The following RPS6KA3 variants were observed in gnomAD, a reference collection of about 807,000 sequenced individuals.
The protein encoded by RPS6KA3 is ribosomal protein S6 kinase A3.
RPS6KA3 carries 4 observed loss-of-function variants against 67.2 expected under a neutral mutation model. The observed-to-expected ratio is 0.06, with a 90% CI of 0.03 to 0.14. The LOEUF (loss-of-function observed/expected upper bound fraction) is 0.14, where lower values mean the gene tolerates loss of function less well. RPS6KA3 is among the 10% of genes least tolerant of loss of function. The pLI is 1.00. For synonymous variants in RPS6KA3, 182 were observed against 183.7 expected, an observed-to-expected ratio of 0.99 and a Z score of 0.07; for missense variants, 204 against 559.0, an observed-to-expected ratio of 0.36 and a Z score of 6.40.
chrX:20,160,557 G>C (rs893612409), intron 20 of RPS6KA3, among the ~76,000 whole-genome samples: 1 of 110,800 alleles, frequency 9.0e-6, no homozygotes, highest in South Asian at 3.8e-4. Flanking sequence ...CTCCCGAGTA[G>C]CTGGGATTAC....
intron 1 of RPS6KA3, among the ~76,000 whole-genome samples, chrX:20,264,464 T>C (rs2070319412): frequency 8.9e-6 from 1 of 112,454 alleles, no homozygotes; most frequent in South Asian, 3.6e-4. Flanking sequence ...ACATGAATTG[T>C]ATCCACCTGG....
At chrX:20,171,384 G>A (rs1241767213) in intron 15 of RPS6KA3, among the ~76,000 whole-genome samples, 10 of 111,776 alleles carry the variant, frequency 8.9e-5, no homozygotes, top group African/African-American at 3.3e-4. Flanking sequence ...AAATGATAGT[G>A]TGGAATTAGG....
chrX:20,181,337 G>A (rs1488377324), intron 10 of RPS6KA3, among the ~76,000 whole-genome samples: 4 of 111,009 alleles, frequency 3.6e-5, no homozygotes, highest in African/African-American at 1.3e-4. Context: ...AAAGGGGAAC[G>A]GTTAGAGAGG....
intron 1 of RPS6KA3, among the ~76,000 whole-genome samples, chrX:20,239,078 A>G (rs1010216894): frequency 8.9e-6 from 1 of 111,825 alleles, no homozygotes; most frequent in African/African-American, 3.2e-5. Context: ...AAAGCTGGTC[A>G]GTACCACATT....
chrX:20,259,499 T>G (rs1049928468), intron 1 of RPS6KA3, among the ~76,000 whole-genome samples: 1 of 111,911 alleles, frequency 8.9e-6, no homozygotes, highest in African/African-American at 3.2e-5. Flanking sequence ...CAATTTAATT[T>G]AGAAAGATTT....
intron 20 of RPS6KA3, among the ~76,000 whole-genome samples, chrX:20,156,894 T>C (rs1377464762): frequency 5.8e-5 from 1 of 17,204 alleles, no homozygotes; most frequent in Admixed American, 9.4e-4. Context: ...CTGGTAATAC[T>C]GAAAAAAAAA....
chrX:20,178,636 CTTT>C (rs757383642), intron 10 of RPS6KA3, among the ~76,000 whole-genome samples: 1 of 39,442 alleles, frequency 2.5e-5, no homozygotes, highest in Non-Finnish European at 4.7e-5. Context: ...CCACACCTGG[CTTT>C]TTTTTTTTTT....
intron 1 of RPS6KA3, among the ~76,000 whole-genome samples, chrX:20,237,586 C>T (rs1244309546): frequency 9.0e-6 from 1 of 111,101 alleles, no homozygotes; most frequent in Non-Finnish European, 1.9e-5. Context: ...TATTACTTTA[C>T]CTGTTCAAAA....
Position 20,151,863 on chromosome X carries a change from T to C in RPS6KA3, c.*3535A>G, listed in dbSNP as rs1375489829. 1.8e-5 allele frequency: 2 copies of C among 111,871 alleles called. No homozygotes were observed. The highest frequency in any genetic ancestry group is 3.8e-5 in the Non-Finnish European group (2 of 53,252). The allele number at this position is 111,871 out of a possible 1,213,427, so 9.2% of individuals were successfully genotyped here. Reference sequence around the variant, plus strand: ...GCTCTCATCCCAGGCTGGGCTTACCTGAGTCCCTTTTCTGCCGAATACATT... The same window carrying C: ...GCTCTCATCCCAGGCTGGGCTTACCCGAGTCCCTTTTCTGCCGAATACATT... On this transcript the variant is annotated 3_prime_UTR_variant, in exon 22 of 22. Transcript: ENST00000379565.
chrX:20,152,409 C>T lies in RPS6KA3; in HGVS notation c.*2989G>A, dbSNP rs12010722. On this transcript the variant is annotated 3_prime_UTR_variant, in exon 22 of 22. Coordinates refer to ENST00000379565, the MANE Select transcript of RPS6KA3 (RefSeq NM_004586.3). ...GTAGTGTAATTCATACCTTCCAGTACGTGCTTGACAAGCTTAAATTCAATC... is the reference window on the plus strand; with the variant it reads ...GTAGTGTAATTCATACCTTCCAGTATGTGCTTGACAAGCTTAAATTCAATC... The T allele has an allele frequency of 0.35, 38,937 of 111,812 alleles. 8,300 individuals carry two copies. Among genetic ancestry groups the T allele is most frequent in the African/African-American group, 0.81 (24,786 of 30,606 alleles). The allele number at this position is 111,812 out of a possible 1,213,427, so 9.2% of individuals were successfully genotyped here.
chrX:20,204,144 T>A (rs200064927), intron 3 of RPS6KA3, 41 bp from the exon 4 acceptor site: 1 of 868,919 alleles, frequency 1.2e-6, no homozygotes, highest in East Asian at 3.1e-5. Flanking sequence ...CAAAGTAGTA[T>A]AAACTATATC....
intron 10 of RPS6KA3, among the ~76,000 whole-genome samples, chrX:20,184,800 A>G (rs1025297983): frequency 8.9e-6 from 1 of 111,825 alleles, no homozygotes; most frequent in African/African-American, 3.2e-5. Context: ...AACATGGTAT[A>G]TTCTTTCAAG....
chrX:20,250,707 A>G (rs867082141), intron 1 of RPS6KA3, among the ~76,000 whole-genome samples: 1 of 112,109 alleles, frequency 8.9e-6, no homozygotes, highest in Middle Eastern at 4.6e-3. Context: ...ACTGTGTCTG[A>G]TGTGGAATAA....
intron 2 of RPS6KA3, among the ~76,000 whole-genome samples, chrX:20,228,166 T>C (rs1278308816): frequency 8.9e-6 from 1 of 112,322 alleles, no homozygotes; most frequent in African/African-American, 3.2e-5. Flanking sequence ...GCTTTTTCCC[T>C]GCATTGTTTG....
intron 4 of RPS6KA3, among the ~76,000 whole-genome samples, chrX:20,202,188 G>C (rs1442974035): frequency 9.2e-6 from 1 of 108,645 alleles, no homozygotes; most frequent in Non-Finnish European, 1.9e-5. Context: ...TTGCCATGTT[G>C]GGCATGCTGG....
At chrX:20,198,925 G>T (rs1334196416) in intron 4 of RPS6KA3, among the ~76,000 whole-genome samples, 1 of 111,103 alleles carries the variant, frequency 9.0e-6, no homozygotes, top group Non-Finnish European at 1.9e-5. Flanking sequence ...AGGCTGGAGT[G>T]CACTGATGTA....
In RPS6KA3 at chrX:20,176,361, GA is replaced by G. The variant is rs748680802; in HGVS notation, c.1000-10del. The G allele has an allele frequency of 3.0e-3, 2,972 of 987,944 alleles. 2 individuals carry two copies. The highest frequency in any genetic ancestry group is 5.5e-3 in the African/African-American group (272 of 49,175). The allele number at this position is 987,944 out of a possible 1,213,427, so 81.4% of individuals were successfully genotyped here. ...TCTCTTCTATACAGTTTCTGGAGGG[GA>G]AAAAAAAAAGAGACTTAGACATATT... On this transcript the variant is annotated splice_polypyrimidine_tract_variant and intron_variant, in intron 12 of 21. Transcript: ENST00000379565.
At chrX:20,252,347 G>T (rs2069897217) in intron 1 of RPS6KA3, among the ~76,000 whole-genome samples, 1 of 110,756 alleles carries the variant, frequency 9.0e-6, no homozygotes, top group South Asian at 3.8e-4. Flanking sequence ...CCTGGTTTTT[G>T]GTATAAGTGA....
chrX:20,217,652 G>A (rs763182032), intron 2 of RPS6KA3, among the ~76,000 whole-genome samples: 5 of 111,817 alleles, frequency 4.5e-5, no homozygotes, highest in Non-Finnish European at 9.4e-5. Flanking sequence ...ATTTTTTGTT[G>A]TACCATAAAA....
Sources: allele counts gnomAD v4.1 joint callset (sites outside exome capture counted in the v4.1 genomes callset), GRCh38; gene constraint gnomAD v4.1.1; transcripts MANE v1.5; gene names NCBI Gene and HGNC (gene_info 2026-07-23, HGNC 2026-07-21).